DIP2C: variants seen among roughly 807,000 people sequenced by gnomAD.
DIP2C encodes the protein DIP2 acetate--CoA ligase C (putative).
A neutral mutation model predicts 192.4 loss-of-function variants in DIP2C; 33 were observed. That is an observed-to-expected ratio of 0.17 (90% CI 0.13 to 0.23). DIP2C has a LOEUF of 0.23. Among genes scored for constraint, DIP2C ranks in the 10% least tolerant of loss-of-function variants. The pLI is 1.00. For missense variants in DIP2C, 1,537 were observed against 2,110.1 expected, an observed-to-expected ratio of 0.73 and a Z score of 5.32; for synonymous variants, 979 against 864.1, an observed-to-expected ratio of 1.13 and a Z score of -2.33.
At chr10:318,482 G>C (rs1408527606) in intron 31 of DIP2C, among the ~76,000 whole-genome samples, 1 of 152,238 alleles carries the variant, frequency 6.6e-6, no homozygotes, top group African/African-American at 2.4e-5. Context: ...CAGACTTCAA[G>C]GTGTGGTGTC....
At chr10:343,984 C>T (rs1003589502) in intron 28 of DIP2C, among the ~76,000 whole-genome samples, 4 of 152,140 alleles carry the variant, frequency 2.6e-5, no homozygotes, top group East Asian at 1.9e-4. Context: ...ACAAAGCCAG[C>T]GGGGCCTTTG....
intron 1 of DIP2C, among the ~76,000 whole-genome samples, chr10:525,372 A>G (rs1481239670): frequency 6.6e-6 from 1 of 152,194 alleles, no homozygotes. Context: ...TGGATTGCAA[A>G]GGCTGAGACT....
intron 1 of DIP2C, among the ~76,000 whole-genome samples, chr10:522,019 G>T (rs1846741076): frequency 6.6e-6 from 1 of 151,984 alleles, no homozygotes; most frequent in African/African-American, 2.4e-5. Context: ...GAACAGCATG[G>T]ATCCCCCATG....
At chr10:350,771 T>A (rs1301066835) in intron 24 of DIP2C, among the ~76,000 whole-genome samples, 1 of 151,616 alleles carries the variant, frequency 6.6e-6, no homozygotes, top group East Asian at 2.0e-4. Flanking sequence ...CTCAGCCTCC[T>A]GGGCAGCTGG....
At chr10:514,468 C>G (rs553342683) in intron 1 of DIP2C, among the ~76,000 whole-genome samples, 111 of 152,308 alleles carry the variant, frequency 7.3e-4, no homozygotes, top group African/African-American at 2.6e-3. Context: ...TGCAACCCTG[C>G]AGGGCCGTTC....
intron 4 of DIP2C, among the ~76,000 whole-genome samples, chr10:440,443 A>G (rs1183917865): frequency 6.6e-6 from 1 of 152,226 alleles, no homozygotes; most frequent in East Asian, 1.9e-4. Context: ...TGATTTGGGT[A>G]ACTGCCTAAA....
chr10:486,403 G>C, intron 2 of DIP2C, 56 bp downstream of exon 2: 1 of 1,482,800 alleles, frequency 6.7e-7, no homozygotes, highest in Non-Finnish European at 9.1e-7. Context: ...TGTTTCTCTG[G>C]CACATAGTGA....
intron 1 of DIP2C, among the ~76,000 whole-genome samples, chr10:535,459 G>C (rs114770567): frequency 0.029 from 4,441 of 152,110 alleles, 210 homozygotes; most frequent in African/African-American, 0.1. Flanking sequence ...TCCCCAGGAG[G>C]CAGACACTTG....
chr10:383,470 T>C (rs999211137), intron 16 of DIP2C, among the ~76,000 whole-genome samples: 16 of 152,260 alleles, frequency 1.1e-4, no homozygotes, highest in African/African-American at 3.1e-4. Context: ...GCTGAAATAT[T>C]TCTCAAGGTG....
intron 1 of DIP2C, among the ~76,000 whole-genome samples, chr10:674,789 T>TATATATAGAG: frequency 0.016 from 987 of 62,420 alleles, 29 homozygotes; most frequent in Non-Finnish European, 0.018. Flanking sequence ...TATATATATA[T>TATATATAGAG]AGAGAGAGAG....
chr10:347,889 ACGCACCCAGACGCG>A (rs1958590460), intron 26 of DIP2C, among the ~76,000 whole-genome samples: 1 of 107,268 alleles, frequency 9.3e-6, no homozygotes, highest in Non-Finnish European at 1.9e-5. Context: ...GAAACCCCAC[ACGCACCCAGACGCG>A]TCGCGCATAG....
chr10:414,727 G>A (rs1348423934), intron 7 of DIP2C, among the ~76,000 whole-genome samples: 1,209 of 70,362 alleles, frequency 0.017, 41 homozygotes, highest in African/African-American at 0.062. Flanking sequence ...GTGTGTGTGT[G>A]TGTGTGTGTG....
chr10:317,862 T>C (rs1956842823), intron 31 of DIP2C, among the ~76,000 whole-genome samples: 1 of 152,250 alleles, frequency 6.6e-6, no homozygotes, highest in Admixed American at 6.5e-5. Context: ...AATTCGAATG[T>C]TCCTCTTCTT....
intron 33 of DIP2C, among the ~76,000 whole-genome samples, chr10:286,659 G>A (rs183598902): frequency 6.6e-6 from 1 of 152,238 alleles, no homozygotes; most frequent in African/African-American, 2.4e-5. Flanking sequence ...TGAAAATAAT[G>A]TTTGAACAAA....
At chr10:579,330 C>T (rs1850413180) in intron 1 of DIP2C, among the ~76,000 whole-genome samples, 2 of 151,908 alleles carry the variant, frequency 1.3e-5, no homozygotes, top group African/African-American at 4.8e-5. Context: ...TACGTGTGTA[C>T]ATGCATAGTG....
At chr10:532,844 C>CAGAG (rs1384678298) in intron 1 of DIP2C, among the ~76,000 whole-genome samples, 1 of 152,016 alleles carries the variant, frequency 6.6e-6, no homozygotes, top group Non-Finnish European at 1.5e-5. Flanking sequence ...ACCACAAGTA[C>CAGAG]AGAGGTGCTA....
intron 3 of DIP2C, among the ~76,000 whole-genome samples, chr10:446,262 T>TGC (rs1968200354): frequency 6.6e-6 from 1 of 151,958 alleles, no homozygotes; most frequent in East Asian, 1.9e-4. Flanking sequence ...ACACCTGTCA[T>TGC]GAAGAGTCTC....
At chr10:442,894 T>C (rs980533605) in intron 3 of DIP2C, among the ~76,000 whole-genome samples, 4 of 152,250 alleles carry the variant, frequency 2.6e-5, no homozygotes, top group African/African-American at 9.6e-5. Context: ...ATTGCATTTA[T>C]TTGTCAAGTG....
chr10:550,185 C>A (rs964413322), intron 1 of DIP2C, among the ~76,000 whole-genome samples: 1 of 151,874 alleles, frequency 6.6e-6, no homozygotes, highest in Non-Finnish European at 1.5e-5. Context: ...AATTTTTGTA[C>A]TTTTAGTAGA....
Sources: gnomAD v4.1 joint callset for allele counts (sites outside exome capture counted in the v4.1 genomes callset) on GRCh38, gnomAD v4.1.1 for gene constraint, MANE v1.5 for transcripts, NCBI Gene and HGNC (gene_info 2026-07-23, HGNC 2026-07-21) for gene names.